FERMT1: variants seen among roughly 807,000 people sequenced by gnomAD.
FERMT1 encodes FERM domain containing kindlin 1.
FERMT1 carries 60 observed loss-of-function variants against 85.3 expected under a neutral mutation model. The ratio of observed to expected loss-of-function variants is 0.70; its 90% CI spans 0.57 to 0.87. The LOEUF (loss-of-function observed/expected upper bound fraction) is 0.87, where lower values mean the gene tolerates loss of function less well. Among genes scored for constraint, FERMT1 ranks in the 40% least tolerant of loss-of-function variants. FERMT1 has a pLI of 0.00. For missense variants in FERMT1, 701 were observed against 818.9 expected, an observed-to-expected ratio of 0.86 and a Z score of 1.76; for synonymous variants, 275 against 301.1, an observed-to-expected ratio of 0.91 and a Z score of 0.90.
chr20:6,122,310 G>A (rs1023057794), intron 1 of FERMT1, among the ~76,000 whole-genome samples: 5 of 152,212 alleles, frequency 3.3e-5, no homozygotes, highest in African/African-American at 1.2e-4. Flanking sequence ...ACGCATCTAA[G>A]GAGACCAAAA....
intron 9 of FERMT1, among the ~76,000 whole-genome samples, chr20:6,093,488 T>A (rs950334156): frequency 3.9e-5 from 6 of 152,260 alleles, no homozygotes; most frequent in Non-Finnish European, 8.8e-5. Flanking sequence ...ATTTGGTTCA[T>A]GAGGGGCTTG....
intron 13 of FERMT1, among the ~76,000 whole-genome samples, chr20:6,081,190 C>A (rs1981984845): frequency 6.6e-6 from 1 of 151,410 alleles, no homozygotes; most frequent in South Asian, 2.1e-4. Flanking sequence ...GTGAGAGGAT[C>A]ACATGAGCCC....
intron 12 of FERMT1, 39 bp downstream of exon 12, chr20:6,085,027 A>G: frequency 6.5e-7 from 1 of 1,548,754 alleles, no homozygotes; most frequent in East Asian, 2.2e-5. Flanking sequence ...TGCATAAAGA[A>G]TTTACTGCAA....
chr20:6,092,014 C>T (rs1982384861), intron 9 of FERMT1, among the ~76,000 whole-genome samples: 1 of 150,892 alleles, frequency 6.6e-6, no homozygotes, highest in South Asian at 2.1e-4. Context: ...AATCTCGGCT[C>T]ATTGCAACCT....
Position 6,077,297 on chromosome 20 carries a change from CT to C in FERMT1, c.1909del (p.Ser637ValfsTer36). ...QNVFTAFTCL[S>X]ADCKIVHEYI... ...CTCGTGCACAATCTTGCAATCTGCACTCAGGCAGGTGAAAGCAGTAAAGACG... is the reference window on the plus strand; with the variant it reads ...CTCGTGCACAATCTTGCAATCTGCACCAGGCAGGTGAAAGCAGTAAAGACG... On this transcript the variant is annotated frameshift_variant, in exon 15 of 15. Coordinates refer to ENST00000217289, the MANE Select transcript of FERMT1 (RefSeq NM_017671.5). LOFTEE classifies it high-confidence loss of function. The C allele has an allele frequency of 6.2e-7, 1 of 1,614,204 alleles. No homozygotes were observed. Among genetic ancestry groups the C allele is most frequent in the Non-Finnish European group, 8.5e-7 (1 of 1,180,042 alleles).
At position 6,077,129 on chromosome 20, in the gene FERMT1, C is replaced by A; in HGVS notation, c.*44G>T. 6.2e-7 allele frequency: 1 copy of A among 1,610,404 alleles called. No individual in the cohort carries two copies. Among genetic ancestry groups the A allele is most frequent in the South Asian group, 1.1e-5 (1 of 90,920 alleles). Reference sequence around the variant, plus strand: ...TAGGGATCCCTCTGGGGAGGGGCGCCTTTGGCTTGCCTTGTTGGTGTGAGC... The same window carrying A: ...TAGGGATCCCTCTGGGGAGGGGCGCATTTGGCTTGCCTTGTTGGTGTGAGC... On this transcript the variant is annotated 3_prime_UTR_variant, in exon 15 of 15. Transcript: ENST00000217289.
At chr20:6,110,552 A>G (rs1982920178) in intron 4 of FERMT1, 41 bp from the exon 5 acceptor site, 1 of 1,432,364 alleles carries the variant, frequency 7.0e-7, no homozygotes, top group South Asian at 1.1e-5. Flanking sequence ...ATGAGAATCC[A>G]GGGATATAAA....
chr20:6,087,924 A>G (rs200269248), intron 10 of FERMT1, 41 bp from the exon 11 acceptor site: 1 of 1,048,908 alleles, frequency 9.5e-7, no homozygotes, highest in East Asian at 2.4e-5. Context: ...GTTCTGAGGC[A>G]TCTGTTAGAT....
In FERMT1 at chr20:6,087,841, A is replaced by G. The variant is rs200647657; in HGVS notation, c.1307T>C (p.Phe436Ser). ...VPDVNVAGRK[F>S]GIKLLIPVAD... ...AACAGGGATTAGTAACTTGATTCCAAATTTTCTTCCTGCTACATTTACATC... is the reference window on the plus strand; with the variant it reads ...AACAGGGATTAGTAACTTGATTCCAGATTTTCTTCCTGCTACATTTACATC... Residue 436 changes from phenylalanine to serine, a missense_variant, in exon 11 of 15, where the codon TTT (phenylalanine) becomes TCT (serine). Phe to Ser is a radical substitution (Grantham distance 155). Coordinates refer to ENST00000217289, the MANE Select transcript of FERMT1 (RefSeq NM_017671.5). 1.2e-5 allele frequency: 20 copies of G among 1,612,596 alleles called. No individual in the cohort carries two copies. The highest frequency in any genetic ancestry group is 1.6e-5 in the Non-Finnish European group (19 of 1,178,762).
intron 8 of FERMT1, among the ~76,000 whole-genome samples, chr20:6,096,546 C>T (rs1225900340): frequency 2.0e-5 from 3 of 152,140 alleles, no homozygotes; most frequent in Admixed American, 1.3e-4. Flanking sequence ...CTCACAGCTG[C>T]TCCATGTAAT....
At chr20:6,113,269 T>G (rs954906837) in intron 3 of FERMT1, among the ~76,000 whole-genome samples, 1 of 152,220 alleles carries the variant, frequency 6.6e-6, no homozygotes, top group Non-Finnish European at 1.5e-5. Flanking sequence ...TCCCCAGCCA[T>G]GTGGAACTGT....
intron 13 of FERMT1, among the ~76,000 whole-genome samples, chr20:6,081,632 G>A (rs1052203639): frequency 6.6e-6 from 1 of 152,104 alleles, no homozygotes; most frequent in Non-Finnish European, 1.5e-5. Context: ...TGGAAGCAAG[G>A]AATTGGAGGT....
intron 9 of FERMT1, 82 bp downstream of exon 9, chr20:6,094,857 G>T: frequency 1.2e-6 from 1 of 839,274 alleles, no homozygotes; most frequent in Non-Finnish European, 2.1e-6. Context: ...CTGCCTCAGG[G>T]ATATATAATT....
intron 8 of FERMT1, among the ~76,000 whole-genome samples, chr20:6,096,536 C>T (rs890775189): frequency 6.6e-6 from 1 of 152,134 alleles, no homozygotes; most frequent in African/African-American, 2.4e-5. Context: ...TTATTCTATT[C>T]TCACAGCTGC....
chr20:6,115,181 T>C (rs1031703130), intron 3 of FERMT1, among the ~76,000 whole-genome samples: 1 of 152,360 alleles, frequency 6.6e-6, no homozygotes, highest in African/African-American at 2.4e-5. Flanking sequence ...CTTTCAAAAA[T>C]TATAAAATGA....
chr20:6,098,052 G>A (rs1438282229), intron 6 of FERMT1, among the ~76,000 whole-genome samples: 3 of 151,942 alleles, frequency 2.0e-5, no homozygotes, highest in Admixed American at 6.6e-5. Flanking sequence ...GTGCTCAAAC[G>A]ACCTACCCAT....
chr20:6,081,817 T>C (rs1352134620), intron 13 of FERMT1, among the ~76,000 whole-genome samples: 1 of 152,190 alleles, frequency 6.6e-6, no homozygotes, highest in Admixed American at 6.5e-5. Context: ...TTTCACATCA[T>C]TCTTATCTTC....
At position 6,110,550 on chromosome 20, in the gene FERMT1, C is replaced by A. The variant is rs199964944; in HGVS notation, c.533-39G>T. 27 of 1,442,778 alleles carry A rather than the reference C, an allele frequency of 1.9e-5. No homozygotes were observed. The African/African-American group carries it at 3.8e-4, about 20-fold the overall frequency. 89.4% of individuals were successfully genotyped at this position (1,442,778 alleles called of 1,614,324 possible). On this transcript the variant is annotated intron_variant, in intron 4 of 14. Coordinates refer to ENST00000217289, the MANE Select transcript of FERMT1 (RefSeq NM_017671.5). The stretch of plus-strand genomic sequence containing the variant: ...GGATCAAGAACTATGATATGAGAAT[C>A]CAGGGATATAAATCTTCAAGAAAAT...
At position 6,104,608 on chromosome 20, in the gene FERMT1, C is replaced by G. The variant is rs1396020182; in HGVS notation, c.849+2924G>C. ...CCTGTCACCTTTGGGTTGACAGTTT[C>G]TGTGTGGCTGTTAGATTCAAATCGG... On this transcript the variant is annotated intron_variant, in intron 6 of 14. Transcript: ENST00000217289. The surrounding 1 kb of genome is among the most constrained non-coding windows in gnomAD (Gnocchi z 4.2). Among the ~76,000 whole-genome samples the G allele has an allele frequency of 2.0e-5, 3 of 152,186 alleles. No individual in the cohort carries two copies. Among genetic ancestry groups the G allele is most frequent in the Admixed American group, 1.3e-4 (2 of 15,280 alleles).
Sources: allele counts gnomAD v4.1 joint callset (sites outside exome capture counted in the v4.1 genomes callset), GRCh38; gene constraint gnomAD v4.1.1; non-coding constraint Gnocchi (gnomAD v3.1); transcripts MANE v1.5; gene names NCBI Gene and HGNC (gene_info 2026-07-23, HGNC 2026-07-21).